MACROD2: variants seen among roughly 807,000 people sequenced by gnomAD.
MACROD2 encodes the protein mono-ADP ribosylhydrolase 2.
MACROD2 carries 36 observed loss-of-function variants against 70.4 expected under a neutral mutation model. The observed-to-expected ratio is 0.51, with a 90% CI of 0.39 to 0.68. The LOEUF (loss-of-function observed/expected upper bound fraction) is 0.68, where lower values mean the gene tolerates loss of function less well. Among genes scored for constraint, MACROD2 ranks in the 30% least tolerant of loss-of-function variants. The probability of loss-of-function intolerance (pLI) is 0.00; values close to 1 mark genes in which losing one functional copy is unlikely to be tolerated. For synonymous variants in MACROD2, 172 were observed against 178.8 expected, an observed-to-expected ratio of 0.96 and a Z score of 0.30; for missense variants, 496 against 538.4, an observed-to-expected ratio of 0.92 and a Z score of 0.78.
chr20:15,683,667 C>G (rs142038800), intron 8 of MACROD2, among the ~76,000 whole-genome samples: 1 of 152,222 alleles, frequency 6.6e-6, no homozygotes, highest in Non-Finnish European at 1.5e-5. Context: ...CAACCTCCAC[C>G]TCCTGGGTTC....
intron 5 of MACROD2, among the ~76,000 whole-genome samples, chr20:15,221,670 A>G (rs1227857346): frequency 6.6e-6 from 1 of 152,220 alleles, no homozygotes; most frequent in African/African-American, 2.4e-5. Context: ...AAAATTAAAC[A>G]TGAGCTTTGC....
chr20:14,341,995 A>G (rs2083017778), intron 3 of MACROD2, among the ~76,000 whole-genome samples: 1 of 152,078 alleles, frequency 6.6e-6, no homozygotes, highest in Admixed American at 6.5e-5. Context: ...CCATAACACA[A>G]TGTTCAAGGG....
intron 8 of MACROD2, among the ~76,000 whole-genome samples, chr20:15,621,179 A>G (rs1340621621): frequency 6.6e-6 from 1 of 152,214 alleles, no homozygotes; most frequent in Non-Finnish European, 1.5e-5. Flanking sequence ...GGGGTAGAAC[A>G]TTTTAACACA....
intron 3 of MACROD2, among the ~76,000 whole-genome samples, chr20:14,166,309 T>G (rs1295306349): frequency 1.3e-5 from 2 of 152,018 alleles, no homozygotes; most frequent in African/African-American, 4.8e-5. Context: ...TACTTTCCTT[T>G]TAGACAATTC....
intron 8 of MACROD2, among the ~76,000 whole-genome samples, chr20:15,685,544 T>C (rs926810930): frequency 1.3e-4 from 20 of 152,182 alleles, no homozygotes; most frequent in African/African-American, 4.8e-4. Context: ...ACTTGAATGA[T>C]TCCCAAGAAC....
intron 5 of MACROD2, among the ~76,000 whole-genome samples, chr20:14,849,586 C>G (rs1449566163): frequency 6.6e-6 from 1 of 152,064 alleles, no homozygotes; most frequent in Non-Finnish European, 1.5e-5. Flanking sequence ...TCAAAACCAG[C>G]CTGGCCAACA....
At chr20:14,375,792 T>G (rs1480374842) in intron 3 of MACROD2, among the ~76,000 whole-genome samples, 2 of 152,316 alleles carry the variant, frequency 1.3e-5, no homozygotes, top group East Asian at 1.9e-4. Flanking sequence ...GCAAAGACAT[T>G]AATTGCTGAC....
At chr20:15,898,838 GTAGA>G (rs765848912) in intron 10 of MACROD2, among the ~76,000 whole-genome samples, 3 of 151,836 alleles carry the variant, frequency 2.0e-5, no homozygotes, top group African/African-American at 4.8e-5. Flanking sequence ...TATTCAAGAA[GTAGA>G]TAGATAGATG....
chr20:15,716,841 G>C (rs2050714855), intron 8 of MACROD2, among the ~76,000 whole-genome samples: 1 of 152,178 alleles, frequency 6.6e-6, no homozygotes, highest in African/African-American at 2.4e-5. Flanking sequence ...GGCTGGGAAT[G>C]AAAGATACTG....
At chr20:15,676,084 C>T (rs1248810575) in intron 8 of MACROD2, among the ~76,000 whole-genome samples, 2 of 152,194 alleles carry the variant, frequency 1.3e-5, no homozygotes, top group African/African-American at 2.4e-5. Flanking sequence ...TGTACTCACT[C>T]ATGAGCTTGT....
intron 4 of MACROD2, among the ~76,000 whole-genome samples, chr20:14,641,329 A>C (rs977370365): frequency 2.0e-5 from 3 of 152,162 alleles, no homozygotes; most frequent in Non-Finnish European, 2.9e-5. Flanking sequence ...TCCTCCACTG[A>C]AGTGTTTGAA....
intron 6 of MACROD2, among the ~76,000 whole-genome samples, chr20:15,424,959 G>T (rs1355671284): frequency 5.9e-5 from 9 of 152,198 alleles, no homozygotes; most frequent in Non-Finnish European, 7.3e-5. Flanking sequence ...CCAATTAGGG[G>T]CCGCCTGAGG....
intron 4 of MACROD2, among the ~76,000 whole-genome samples, chr20:14,563,367 GTCT>G (rs1245169653): frequency 1.3e-5 from 2 of 152,034 alleles, no homozygotes; most frequent in Admixed American, 1.3e-4. Flanking sequence ...CTAGAAAAAT[GTCT>G]TCATTATTTT....
chr20:15,112,012 G>T (rs2075959150), intron 5 of MACROD2, among the ~76,000 whole-genome samples: 1 of 152,182 alleles, frequency 6.6e-6, no homozygotes, highest in African/African-American at 2.4e-5. Flanking sequence ...ACACCCCAGA[G>T]TTCACAGGGC....
At chr20:15,040,932 T>G (rs915043534) in intron 5 of MACROD2, among the ~76,000 whole-genome samples, 2 of 152,240 alleles carry the variant, frequency 1.3e-5, no homozygotes, top group African/African-American at 4.8e-5. Flanking sequence ...GAGATAGTTT[T>G]CCAGAAGTAT....
intron 5 of MACROD2, among the ~76,000 whole-genome samples, chr20:15,129,424 A>G (rs2076089291): frequency 6.6e-6 from 1 of 151,994 alleles, no homozygotes; most frequent in Non-Finnish European, 1.5e-5. Context: ...CCTCCCACCA[A>G]CCCCAATTCC....
intron 5 of MACROD2, among the ~76,000 whole-genome samples, chr20:15,054,919 A>G (rs966584938): frequency 6.9e-6 from 1 of 144,346 alleles, no homozygotes; most frequent in African/African-American, 2.6e-5. Context: ...AGTAGCTGAG[A>G]TTACAGGCTT....
chr20:14,191,585 A>G (rs1434458344), intron 3 of MACROD2, among the ~76,000 whole-genome samples: 1 of 152,248 alleles, frequency 6.6e-6, no homozygotes, highest in Non-Finnish European at 1.5e-5. Context: ...AGAAGGGTAG[A>G]GGAGAGGGAG....
intron 4 of MACROD2, among the ~76,000 whole-genome samples, chr20:14,585,696 G>T (rs1423056332): frequency 6.6e-6 from 1 of 152,058 alleles, no homozygotes; most frequent in Admixed American, 6.6e-5. Flanking sequence ...AATATGTAAG[G>T]TGTTCCTATA....
Sources: gnomAD v4.1 joint callset for allele counts (sites outside exome capture counted in the v4.1 genomes callset) on GRCh38, gnomAD v4.1.1 for gene constraint, MANE v1.5 for transcripts, NCBI Gene and HGNC (gene_info 2026-07-23, HGNC 2026-07-21) for gene names.